The following RBFOX1 variants were observed in gnomAD, a reference collection of about 807,000 sequenced individuals.
The protein encoded by RBFOX1 is RNA binding fox-1 homolog 1, also known as RNA binding protein fox-1 homolog 1.
RBFOX1 carries 8 observed loss-of-function variants against 57.7 expected under a neutral mutation model. The observed-to-expected ratio is 0.14, with a 90% confidence interval of 0.08 to 0.25. The LOEUF (loss-of-function observed/expected upper bound fraction) is 0.25. Ranked by LOEUF, RBFOX1 falls within the 10% of genes least tolerant of loss-of-function variation. The pLI, the probability that RBFOX1 is intolerant of heterozygous loss-of-function variation, is 1.00. For missense variants in RBFOX1, 611 were observed against 548.5 expected, an observed-to-expected ratio of 1.11 and a Z score of -1.14; for synonymous variants, 326 against 222.4, an observed-to-expected ratio of 1.47 and a Z score of -4.15.
intron 2 of RBFOX1, among the ~76,000 whole-genome samples, chr16:6,528,180 C>G (rs781605173): frequency 1.3e-5 from 2 of 152,182 alleles, no homozygotes; most frequent in South Asian, 2.1e-4. Context: ...CACTTTTATC[C>G]TCCCCCCATA....
chr16:6,495,231 G>C (rs1295350205), intron 2 of RBFOX1, among the ~76,000 whole-genome samples: 1 of 152,124 alleles, frequency 6.6e-6, no homozygotes, highest in Non-Finnish European at 1.5e-5. Flanking sequence ...CGATTCTTTT[G>C]CCGCAGCCTC....
intron 3 of RBFOX1, among the ~76,000 whole-genome samples, chr16:6,931,808 C>T (rs1240899850): frequency 6.6e-6 from 1 of 152,146 alleles, no homozygotes; most frequent in Non-Finnish European, 1.5e-5. Flanking sequence ...AATAAGTTTA[C>T]TCAGTTATGA....
chr16:7,691,856 C>T (rs914499844), intron 14 of RBFOX1, among the ~76,000 whole-genome samples: 14 of 152,080 alleles, frequency 9.2e-5, no homozygotes, highest in African/African-American at 2.2e-4. Context: ...AAGACCTTGC[C>T]GCTTTGGATA....
chr16:6,746,859 C>T (rs975994663), intron 3 of RBFOX1, among the ~76,000 whole-genome samples: 2 of 152,066 alleles, frequency 1.3e-5, no homozygotes, highest in Non-Finnish European at 2.9e-5. Flanking sequence ...AGCATAACAA[C>T]TCAAATGTTG....
At chr16:7,522,989 C>G (rs1291576555) in intron 5 of RBFOX1, among the ~76,000 whole-genome samples, 1 of 152,062 alleles carries the variant, frequency 6.6e-6, no homozygotes, top group Admixed American at 6.5e-5. Context: ...TGATCCTCCC[C>G]TCCTCCTCCT....
chr16:5,249,225 T>C (rs377333910), intron 1 of RBFOX1, among the ~76,000 whole-genome samples: 18 of 152,294 alleles, frequency 1.2e-4, no homozygotes, highest in African/African-American at 4.1e-4. Context: ...AGGGGCTCTG[T>C]GTGGCACCCT....
At chr16:5,281,300 A>G (rs961144190) in intron 1 of RBFOX1, among the ~76,000 whole-genome samples, 5 of 152,098 alleles carry the variant, frequency 3.3e-5, no homozygotes, top group African/African-American at 1.2e-4. Flanking sequence ...ATAATTTATG[A>G]TTTTAATTTT....
At chr16:5,342,013 A>G (rs375122063) in intron 1 of RBFOX1, among the ~76,000 whole-genome samples, 3 of 152,160 alleles carry the variant, frequency 2.0e-5, no homozygotes, top group African/African-American at 7.2e-5. Context: ...CTCCTTCTGC[A>G]TGGAAAAAAG....
intron 4 of RBFOX1, among the ~76,000 whole-genome samples, chr16:7,070,406 A>G (rs78388219): frequency 0.019 from 2,926 of 152,306 alleles, 102 homozygotes; most frequent in African/African-American, 0.066. Context: ...AGATATATGC[A>G]TATACCGAGT....
chr16:7,070,395 C>T (rs768486363), intron 4 of RBFOX1, among the ~76,000 whole-genome samples: 1 of 152,174 alleles, frequency 6.6e-6, no homozygotes, highest in Non-Finnish European at 1.5e-5. Context: ...CACGCATACA[C>T]AGATATATGC....
At chr16:7,035,079 C>G (rs887653897) in intron 3 of RBFOX1, among the ~76,000 whole-genome samples, 2 of 151,464 alleles carry the variant, frequency 1.3e-5, no homozygotes, top group East Asian at 1.9e-4. Flanking sequence ...AACTTGTGGC[C>G]TCAGGTGATC....
intron 4 of RBFOX1, among the ~76,000 whole-genome samples, chr16:5,941,031 T>A (rs951441406): frequency 8.5e-5 from 13 of 152,204 alleles, no homozygotes; most frequent in African/African-American, 3.1e-4. Flanking sequence ...TACTGGTGGG[T>A]TGTTGTGAGA....
At chr16:6,964,503 C>A (rs926195225) in intron 3 of RBFOX1, among the ~76,000 whole-genome samples, 5 of 152,092 alleles carry the variant, frequency 3.3e-5, no homozygotes, top group African/African-American at 4.8e-5. Flanking sequence ...ACAAATTGCA[C>A]CTCTGGTAGG....
chr16:5,938,451 A>G (rs1387718234), intron 4 of RBFOX1, among the ~76,000 whole-genome samples: 1 of 152,196 alleles, frequency 6.6e-6, no homozygotes, highest in East Asian at 1.9e-4. Context: ...GTCATGTTGC[A>G]TAGCTACCAT....
chr16:7,707,335 C>G (rs964351087), intron 14 of RBFOX1, among the ~76,000 whole-genome samples: 3 of 151,984 alleles, frequency 2.0e-5, no homozygotes, highest in Admixed American at 6.5e-5. Flanking sequence ...GGTGGTCAAA[C>G]ATGTATTGGA....
At position 6,189,194 on chromosome 16, in the gene RBFOX1, T is replaced by C. The variant is rs144814231; in HGVS notation, c.-126-127801T>C. Among the ~76,000 whole-genome samples the C allele has an allele frequency of 2.1e-4, 32 of 152,338 alleles. No homozygotes were observed. The East Asian group carries it at 3.1e-3, about 15-fold the overall frequency. ...GTCAGATGGATATTACAATGAATGC[T>C]TTCATAGCAAATGTTACAACATCAA... On this transcript the variant is annotated intron_variant, in intron 1 of 15. Transcript: ENST00000550418.
rs544203649 is a variant in RBFOX1, at chr16:6,211,389, C to T, written c.-126-105606C>T. On this transcript the variant is annotated intron_variant, in intron 1 of 15. Transcript: ENST00000550418. ...GACTACAGGTGCCCACCACCACACC[C>T]GGCTAATTTTTTGTACATTTAGTAG... Among the ~76,000 whole-genome samples the T allele has an allele frequency of 2.2e-4, 34 of 152,078 alleles. 1 individual carries two copies. In the South Asian group the frequency reaches 5.4e-3, roughly 24 times the overall value.
intron 3 of RBFOX1, among the ~76,000 whole-genome samples, chr16:6,985,423 G>T (rs1333818901): frequency 6.6e-6 from 1 of 152,166 alleles, no homozygotes; most frequent in African/African-American, 2.4e-5. Context: ...TAGGCAGGAA[G>T]ATCACTTCAG....
At chr16:5,676,007 T>C (rs1226950393) in intron 3 of RBFOX1, among the ~76,000 whole-genome samples, 1 of 152,152 alleles carries the variant, frequency 6.6e-6, no homozygotes, top group African/African-American at 2.4e-5. Flanking sequence ...CATCGCATGT[T>C]CTCAGTCATA....
Sources: allele counts gnomAD v4.1 joint callset (sites outside exome capture counted in the v4.1 genomes callset), GRCh38; gene constraint gnomAD v4.1.1; transcripts MANE v1.5; gene names NCBI Gene and HGNC (gene_info 2026-07-23, HGNC 2026-07-21).